TOM1L2: variants seen among roughly 807,000 people sequenced by gnomAD.
TOM1L2 encodes TOM1-like protein 2.
Under a neutral mutation model 67.9 loss-of-function variants are expected in TOM1L2, and 31 were observed. The observed-to-expected ratio is 0.46, with a 90% CI of 0.34 to 0.62. TOM1L2 has a LOEUF of 0.62. TOM1L2 is among the 20% of genes least tolerant of loss of function. The pLI, the probability that TOM1L2 is intolerant of heterozygous loss-of-function variation, is 0.01. For missense variants in TOM1L2, 606 were observed against 663.5 expected (o/e 0.91, Z 0.95); for synonymous variants, 256 against 254.0 (o/e 1.01, Z -0.07).
At chr17:17,928,865 G>C (rs2040208300) in intron 1 of TOM1L2, among the ~76,000 whole-genome samples, 1 of 152,016 alleles carries the variant, frequency 6.6e-6, no homozygotes, top group South Asian at 2.1e-4. Flanking sequence ...CAGTATCAGA[G>C]AACAATGCTT....
At position 17,863,583 on chromosome 17, in the gene TOM1L2, T is replaced by A. The variant is rs1173518440; in HGVS notation, c.1085-735A>T. Among the ~76,000 whole-genome samples, 27 of 122,748 alleles carry A rather than the reference T, an allele frequency of 2.2e-4. No individual in the cohort carries two copies. In the East Asian group the frequency reaches 4.5e-3, roughly 20 times the overall value. The allele number at this position is 122,748 out of a possible 152,430, so 80.5% of individuals were successfully genotyped here. ...CTAGACTTTTTTTTTTTTTTTTTTT[T>A]AAAGAGACAGAGTCTTACTCTCTTG... is the stretch of plus-strand genomic sequence containing the variant. On this transcript the variant is annotated intron_variant, in intron 10 of 14. Coordinates refer to ENST00000379504, the MANE Select transcript of TOM1L2 (RefSeq NM_001082968.2).
intron 1 of TOM1L2, among the ~76,000 whole-genome samples, chr17:17,954,628 T>G (rs2041351063): frequency 6.6e-6 from 1 of 152,134 alleles, no homozygotes; most frequent in Non-Finnish European, 1.5e-5. Context: ...TATAAATCAT[T>G]CTAAAGGAGA....
intron 1 of TOM1L2, among the ~76,000 whole-genome samples, chr17:17,931,382 T>C (rs983852591): frequency 5.9e-5 from 9 of 152,310 alleles, no homozygotes; most frequent in African/African-American, 2.2e-4. Flanking sequence ...GTCAGACCAA[T>C]TGAGCTCAAA....
intron 1 of TOM1L2, among the ~76,000 whole-genome samples, chr17:17,951,478 T>A (rs932942310): frequency 7.9e-5 from 12 of 152,254 alleles, no homozygotes; most frequent in Non-Finnish European, 1.3e-4. Flanking sequence ...GGAATTTGAG[T>A]TTGTGCATAA....
chr17:17,971,799 G>C (rs2145127446), intron 1 of TOM1L2, among the ~76,000 whole-genome samples: 1 of 152,368 alleles, frequency 6.6e-6, no homozygotes, highest in South Asian at 2.1e-4. Flanking sequence ...GAAGCCTGGG[G>C]CATCTCCGAG....
At chr17:17,942,802 T>C (rs2040788958) in intron 1 of TOM1L2, among the ~76,000 whole-genome samples, 1 of 152,150 alleles carries the variant, frequency 6.6e-6, no homozygotes, top group African/African-American at 2.4e-5. Context: ...CAGTCAGAAT[T>C]CCAGGAAAGG....
At chr17:17,888,767 T>TC (rs1159024625) in intron 4 of TOM1L2, among the ~76,000 whole-genome samples, 1 of 152,192 alleles carries the variant, frequency 6.6e-6, no homozygotes, top group African/African-American at 2.4e-5. Context: ...CCAGGATGAC[T>TC]CCATTTCCGC....
intron 12 of TOM1L2, chr17:17,857,727 C>A (rs893252265): frequency 4.0e-6 from 6 of 1,503,586 alleles, no homozygotes; most frequent in Non-Finnish European, 4.5e-6. Flanking sequence ...CAGGTAGGGG[C>A]TGGGGTGGAC....
At chr17:17,851,210 C>A in intron 12 of TOM1L2, 2 of 514,004 alleles carry the variant, frequency 3.9e-6, no homozygotes. Context: ...GGTGGCTGTA[C>A]GCGTTCTTGA....
chr17:17,949,347 C>T (rs1192211763), intron 1 of TOM1L2, among the ~76,000 whole-genome samples: 1 of 152,162 alleles, frequency 6.6e-6, no homozygotes. Context: ...GCAGACAATG[C>T]CACATCACAA....
intron 1 of TOM1L2, among the ~76,000 whole-genome samples, chr17:17,914,482 T>C (rs1030038237): frequency 2.0e-5 from 3 of 152,190 alleles, no homozygotes; most frequent in Non-Finnish European, 2.9e-5. Context: ...TTTACTCTCT[T>C]TCCCACATGC....
At chr17:17,960,825 A>C (rs2041648117) in intron 1 of TOM1L2, among the ~76,000 whole-genome samples, 1 of 152,234 alleles carries the variant, frequency 6.6e-6, no homozygotes, top group Non-Finnish European at 1.5e-5. Flanking sequence ...GTAAGGAGAG[A>C]CATTCTGACT....
At chr17:17,888,464 G>C (rs2038104124) in intron 4 of TOM1L2, among the ~76,000 whole-genome samples, 1 of 152,192 alleles carries the variant, frequency 6.6e-6, no homozygotes, top group Non-Finnish European at 1.5e-5. Context: ...TGGGCTCTGG[G>C]ATGCCTTTGG....
At chr17:17,892,004 T>C (rs944493848) in intron 4 of TOM1L2, among the ~76,000 whole-genome samples, 3 of 152,198 alleles carry the variant, frequency 2.0e-5, no homozygotes, top group Non-Finnish European at 2.9e-5. Context: ...GGGGACAGCA[T>C]GTCCCTGGGT....
chr17:17,942,439 A>G (rs962656440), intron 1 of TOM1L2, among the ~76,000 whole-genome samples: 1 of 152,238 alleles, frequency 6.6e-6, no homozygotes, highest in African/African-American at 2.4e-5. Context: ...TGGGGATTAA[A>G]AACTATATAC....
At chr17:17,956,725 C>T (rs2041469926) in intron 1 of TOM1L2, among the ~76,000 whole-genome samples, 1 of 152,240 alleles carries the variant, frequency 6.6e-6, no homozygotes, top group Non-Finnish European at 1.5e-5. Flanking sequence ...TCCGCAGCTG[C>T]TGGCCTGGAT....
intron 12 of TOM1L2, chr17:17,857,939 G>T: frequency 8.0e-7 from 1 of 1,251,144 alleles, no homozygotes; most frequent in Non-Finnish European, 1.1e-6. Flanking sequence ...CTCTTCAGAC[G>T]TGATCCTTTG....
rs188244445 is a variant in TOM1L2 at position 17,957,663 on chromosome 17, T to C, written c.52+14599A>G. Among the ~76,000 whole-genome samples, 440 of 150,878 alleles carry C rather than the reference T, an allele frequency of 2.9e-3. 1 individual carries two copies. Among genetic ancestry groups the C allele is most frequent in the Non-Finnish European group, 4.8e-3 (326 of 67,792 alleles). On this transcript the variant is annotated intron_variant, in intron 1 of 14. Coordinates refer to ENST00000379504, the MANE Select transcript of TOM1L2 (RefSeq NM_001082968.2). ...ATAACATATTTATATAAAATATATA[T>C]AAAATATGTATATGTATATATTTAC... is the stretch of plus-strand genomic sequence containing the variant.
chr17:17,866,541 A>T (rs1249655927), intron 9 of TOM1L2, 122 bp from the exon 10 acceptor site: 7 of 1,300,574 alleles, frequency 5.4e-6, no homozygotes, highest in Non-Finnish European at 7.2e-6. Flanking sequence ...TCTAGTACAG[A>T]AGCAAGGCCA....
Sources: allele counts gnomAD v4.1 joint callset (sites outside exome capture counted in the v4.1 genomes callset), GRCh38; gene constraint gnomAD v4.1.1; transcripts MANE v1.5; gene names NCBI Gene and HGNC (gene_info 2026-07-23, HGNC 2026-07-21).